Variants in CDK5RAP2 observed in about 807,000 individuals in gnomAD.
CDK5RAP2 encodes CDK5 regulatory subunit-associated protein 2.
Under a neutral mutation model 232.9 loss-of-function variants are expected in CDK5RAP2, and 147 were observed. The ratio of observed to expected loss-of-function variants is 0.63; its 90% CI spans 0.55 to 0.72. The LOEUF is 0.72. Ranked by LOEUF, CDK5RAP2 falls within the 30% of genes least tolerant of loss-of-function variation. The pLI, the probability that CDK5RAP2 is intolerant of heterozygous loss-of-function variation, is 0.00. For missense variants in CDK5RAP2, 2,195 were observed against 2,231.5 expected, an observed-to-expected ratio of 0.98 and a Z score of 0.33; for synonymous variants, 833 against 833.7, an observed-to-expected ratio of 1.00 and a Z score of 0.01.
In CDK5RAP2 at chr9:120,453,309, G is replaced by C. The variant is rs535773589; in HGVS notation, c.2793+147C>G. On this transcript the variant is annotated intron_variant, in intron 21 of 37. Coordinates refer to ENST00000349780, the MANE Select transcript of CDK5RAP2 (RefSeq NM_018249.6). Reference sequence around the variant, plus strand: ...AAGGTCAGTGAGGACATGCAGCTCTGGGTGGAGGCCAGGGTAAGTGCAAGC... The same window carrying C: ...AAGGTCAGTGAGGACATGCAGCTCTCGGTGGAGGCCAGGGTAAGTGCAAGC... 2.9e-5 allele frequency: 20 copies of C among 688,180 alleles called. No individual in the cohort carries two copies. In the East Asian group the frequency reaches 5.2e-4, roughly 18 times the overall value. 42.6% of individuals were successfully genotyped at this position (688,180 alleles called of 1,614,324 possible). A position where few individuals can be genotyped will look rare whatever the true frequency, so the allele number is the denominator to read the frequency against.
Position 120,487,377 on chromosome 9 carries a change from C to G in CDK5RAP2, c.1543G>C (p.Asp515His). Residue 515 changes from aspartate to histidine, a missense_variant, in exon 14 of 38, where the codon GAT (aspartate) becomes CAT (histidine). Coordinates refer to ENST00000349780, the MANE Select transcript of CDK5RAP2 (RefSeq NM_018249.6). ...QQNCYLMAAE[D>H]LELRSEGLIT... The stretch of plus-strand genomic sequence containing the variant: ...AAGCCTTCACTCCTGAGCTCAAGAT[C>G]CTCTGCAGCCATTAAATAGCAGTTC... 6.2e-7 allele frequency: 1 copy of G among 1,613,850 alleles called. No individual in the cohort carries two copies. The highest frequency in any genetic ancestry group is 8.5e-7 in the Non-Finnish European group (1 of 1,179,876).
chr9:120,553,764 A>G (rs1476766744), intron 3 of CDK5RAP2, among the ~76,000 whole-genome samples: 1 of 151,944 alleles, frequency 6.6e-6, no homozygotes, highest in East Asian at 1.9e-4. Flanking sequence ...AAGTTTATTT[A>G]TTTTTTTATT....
intron 12 of CDK5RAP2, among the ~76,000 whole-genome samples, chr9:120,510,394 G>A (rs2040022797): frequency 6.6e-6 from 1 of 152,122 alleles, no homozygotes; most frequent in African/African-American, 2.4e-5. Flanking sequence ...AATAGTCTGG[G>A]GAATATGGCC....
At chr9:120,572,708 G>C (rs953689701) in intron 1 of CDK5RAP2, among the ~76,000 whole-genome samples, 1 of 152,184 alleles carries the variant, frequency 6.6e-6, no homozygotes, top group Admixed American at 6.5e-5. Context: ...GCTCTGCCAT[G>C]TATCTCTCTG....
In CDK5RAP2 at chr9:120,529,998, C is replaced by G; in HGVS notation, c.805G>C (p.Glu269Gln). The change falls in exon 8 of 38, where the codon GAA becomes CAA. Residue 269 changes from glutamate (E) to glutamine (Q), a missense_variant. Physicochemically the swap from Glu to Gln is conservative, Grantham distance 29. Transcript: ENST00000349780. ...LRGLCAAPREEKERETEAAQM... is the reference protein window; with the variant it reads ...LRGLCAAPREQKERETEAAQM... Reference sequence around the variant, plus strand: ...CTCACCTCAGTTTCTCTCTCCTTTTCTTCCCTTGGAGCAGCACAAAGTCCT... The same window carrying G: ...CTCACCTCAGTTTCTCTCTCCTTTTGTTCCCTTGGAGCAGCACAAAGTCCT... 1 of 1,613,968 alleles carries G rather than the reference C, an allele frequency of 6.2e-7. No homozygotes were observed. The highest frequency in any genetic ancestry group is 2.2e-5 in the East Asian group (1 of 44,868).
chr9:120,406,954 TCA>T, intron 32 of CDK5RAP2, 56 bp downstream of exon 32: 1 of 1,276,142 alleles, frequency 7.8e-7, no homozygotes, highest in Non-Finnish European at 1.1e-6. Context: ...AGTTCACATG[TCA>T]CACACAGATG....
intron 20 of CDK5RAP2, among the ~76,000 whole-genome samples, chr9:120,455,801 C>A (rs1223116669): frequency 2.0e-5 from 3 of 151,828 alleles, no homozygotes; most frequent in Admixed American, 2.0e-4. Context: ...GACGGAGAGG[C>A]CTTGCACACA....
rs539728623 is a variant in CDK5RAP2 at position 120,451,853 on chromosome 9, ATATATAT to A, written c.2793+1596_2793+1602del. Among the ~76,000 whole-genome samples the A allele has an allele frequency of 2.8e-3, 409 of 148,004 alleles. 3 individuals carry two copies. The highest frequency in any genetic ancestry group is 9.3e-3 in the African/African-American group (381 of 40,840). On this transcript the variant is annotated intron_variant, in intron 21 of 37. Transcript: ENST00000349780. Reference sequence around the variant, plus strand: ...CTTGTTGAGAATATTAAATGAGATTATATATATTATATATTATATATATAATATATAT... The same window carrying A: ...CTTGTTGAGAATATTAAATGAGATTATATATATTATATATATAATATATAT...
chr9:120,541,790 C>T (rs2041644435), intron 5 of CDK5RAP2, among the ~76,000 whole-genome samples: 1 of 152,212 alleles, frequency 6.6e-6, no homozygotes, highest in African/African-American at 2.4e-5. Context: ...GCGCCAGATG[C>T]AGGATGTGGA....
chr9:120,563,441 G>A (rs2042531919), intron 3 of CDK5RAP2, among the ~76,000 whole-genome samples: 1 of 152,174 alleles, frequency 6.6e-6, no homozygotes, highest in Non-Finnish European at 1.5e-5. Context: ...AACACTGATG[G>A]GGCAGAACCC....
intron 12 of CDK5RAP2, among the ~76,000 whole-genome samples, chr9:120,496,671 C>T (rs1178660407): frequency 7.6e-4 from 103 of 135,426 alleles, no homozygotes; most frequent in African/African-American, 2.5e-3. Flanking sequence ...CCAGCCGCCC[C>T]GTCCGGGAGG....
At chr9:120,516,849 T>G (rs372643289) in intron 12 of CDK5RAP2, among the ~76,000 whole-genome samples, 1 of 152,192 alleles carries the variant, frequency 6.6e-6, no homozygotes, top group Non-Finnish European at 1.5e-5. Context: ...TATGTACATA[T>G]ATACATAGGC....
At chr9:120,418,586 T>C (rs776519467) in intron 27 of CDK5RAP2, among the ~76,000 whole-genome samples, 1 of 152,186 alleles carries the variant, frequency 6.6e-6, no homozygotes, top group Admixed American at 6.5e-5. Context: ...GGGAAACAAT[T>C]CGTGGTGTGA....
chr9:120,417,241 C>T (rs966029628), intron 27 of CDK5RAP2, among the ~76,000 whole-genome samples: 3 of 151,516 alleles, frequency 2.0e-5, no homozygotes, highest in Admixed American at 1.3e-4. Flanking sequence ...GGCACTGCAC[C>T]TCTGCGCTCC....
At chr9:120,455,109 AG>A (rs2036686280) in intron 20 of CDK5RAP2, among the ~76,000 whole-genome samples, 2 of 152,172 alleles carry the variant, frequency 1.3e-5, no homozygotes, top group Non-Finnish European at 2.9e-5. Context: ...AAACTGTCCC[AG>A]GAGGACATGG....
intron 14 of CDK5RAP2, among the ~76,000 whole-genome samples, chr9:120,478,237 G>A (rs920431132): frequency 1.3e-5 from 2 of 152,200 alleles, no homozygotes; most frequent in East Asian, 3.8e-4. Context: ...CATACTGTAA[G>A]GAACCAGGGA....
intron 26 of CDK5RAP2, among the ~76,000 whole-genome samples, chr9:120,420,323 A>G (rs1447722624): frequency 6.6e-6 from 1 of 152,204 alleles, no homozygotes; most frequent in Non-Finnish European, 1.5e-5. Context: ...GGTAGGGATT[A>G]CTATCCTCAT....
At chr9:120,524,675 T>C (rs748659539) in intron 11 of CDK5RAP2, among the ~76,000 whole-genome samples, 3 of 151,862 alleles carry the variant, frequency 2.0e-5, no homozygotes, top group Non-Finnish European at 4.4e-5. Flanking sequence ...AGAGGGATGA[T>C]GACTACCTTT....
chr9:120,452,880 T>G (rs550732848), intron 21 of CDK5RAP2, among the ~76,000 whole-genome samples: 1 of 152,156 alleles, frequency 6.6e-6, no homozygotes, highest in Admixed American at 6.5e-5. Context: ...TTCCAGATCT[T>G]TGATGAGTGT....
Sources: allele counts gnomAD v4.1 joint callset (sites outside exome capture counted in the v4.1 genomes callset), GRCh38; gene constraint gnomAD v4.1.1; transcripts MANE v1.5; gene names NCBI Gene and HGNC (gene_info 2026-07-23, HGNC 2026-07-21).